PRKG2: variants seen among roughly 807,000 people sequenced by gnomAD.
The protein encoded by PRKG2 is protein kinase cGMP-dependent 2.
In PRKG2, 33 loss-of-function variants were observed where a neutral mutation model predicts 97.2. The ratio of observed to expected loss-of-function variants is 0.34; its 90% CI spans 0.26 to 0.45. The LOEUF is 0.45. Ranked by LOEUF, PRKG2 falls within the 20% of genes least tolerant of loss-of-function variation. PRKG2 has a pLI of 1.00. For synonymous variants in PRKG2, 330 were observed against 321.8 expected, an observed-to-expected ratio of 1.03 and a Z score of -0.27; for missense variants, 638 against 900.0, an observed-to-expected ratio of 0.71 and a Z score of 3.73.
At chr4:81,153,785 A>C in intron 6 of PRKG2, 64 bp from the exon 7 acceptor site, 1 of 1,168,636 alleles carries the variant, frequency 8.6e-7, no homozygotes, top group South Asian at 1.2e-5. Context: ...TAATAGGAAC[A>C]GCTCCAGTAT....
At chr4:81,099,675 C>T (rs1251342844) in intron 17 of PRKG2, among the ~76,000 whole-genome samples, 7 of 152,078 alleles carry the variant, frequency 4.6e-5, no homozygotes, top group African/African-American at 7.2e-5. Flanking sequence ...CCCTCTCTCA[C>T]CACTCCTATT....
chr4:81,145,932 CTATATTTACTT>C (rs1253088074), intron 9 of PRKG2, among the ~76,000 whole-genome samples: 5 of 152,116 alleles, frequency 3.3e-5, no homozygotes, highest in Non-Finnish European at 7.4e-5. Flanking sequence ...GACAACCAAT[CTATATTTACTT>C]TATTAAGCAC....
intron 17 of PRKG2, among the ~76,000 whole-genome samples, chr4:81,100,818 C>G (rs1249805222): frequency 6.6e-6 from 1 of 152,180 alleles, no homozygotes; most frequent in Non-Finnish European, 1.5e-5. Flanking sequence ...ATCTACTCAT[C>G]TGACAAAGGG....
chr4:81,118,820 G>A (rs1196560138), intron 14 of PRKG2, among the ~76,000 whole-genome samples: 4 of 151,922 alleles, frequency 2.6e-5, no homozygotes, highest in African/African-American at 9.7e-5. Flanking sequence ...TTTGAGACAG[G>A]GTCTCACTCT....
rs905431204 is a variant in PRKG2 at position 81,181,998 on chromosome 4, G to A, written c.462-7039C>T. 2.6e-5 allele frequency among the ~76,000 whole-genome samples: 4 copies of A among 151,710 alleles called. No homozygotes were observed. The Middle Eastern group carries it at 0.01, about 387-fold the overall frequency. ...TATAAAAACTATCCCACCCAAAAAA[G>A]TCTAAACCCAGATGACCTTATTATT... is the stretch of plus-strand genomic sequence containing the variant. On this transcript the variant is annotated intron_variant, in intron 2 of 18. Transcript: ENST00000264399.
At chr4:81,196,873 G>A (rs1053747789) in intron 2 of PRKG2, among the ~76,000 whole-genome samples, 5 of 152,072 alleles carry the variant, frequency 3.3e-5, no homozygotes, top group Non-Finnish European at 5.9e-5. Context: ...TCATTTTAAA[G>A]TGAGACTTTA....
At chr4:81,117,701 A>C (rs1744685768) in intron 14 of PRKG2, among the ~76,000 whole-genome samples, 1 of 152,220 alleles carries the variant, frequency 6.6e-6, no homozygotes, top group South Asian at 2.1e-4. Context: ...TTTTTAGAGC[A>C]ATCAGTGAAA....
chr4:81,093,736 TA>T (rs113910189), intron 17 of PRKG2, among the ~76,000 whole-genome samples: 8,114 of 152,240 alleles, frequency 0.053, 743 homozygotes, highest in African/African-American at 0.19. Flanking sequence ...ATCACTCATC[TA>T]AAAGGGCTGA....
chr4:81,185,371 C>T (rs1751783676), intron 2 of PRKG2, among the ~76,000 whole-genome samples: 1 of 101,050 alleles, frequency 9.9e-6, no homozygotes, highest in African/African-American at 1.0e-4. Context: ...CATATCCAGC[C>T]AAACTAAGCT....
chr4:81,141,583 A>G (rs949797761), intron 11 of PRKG2, among the ~76,000 whole-genome samples: 18 of 152,190 alleles, frequency 1.2e-4, no homozygotes, highest in African/African-American at 4.3e-4. Flanking sequence ...TTTTTGATAG[A>G]TTTAAAACTC....
chr4:81,128,614 G>A (rs955213080), intron 14 of PRKG2, among the ~76,000 whole-genome samples: 4 of 152,100 alleles, frequency 2.6e-5, no homozygotes, highest in East Asian at 1.9e-4. Context: ...GTTTATTTGC[G>A]TAGAAGTGTT....
intron 2 of PRKG2, among the ~76,000 whole-genome samples, chr4:81,186,996 C>CA (rs112768085): frequency 0.23 from 34,657 of 151,874 alleles, 7,844 homozygotes; most frequent in African/African-American, 0.58. Context: ...GCCTACCAAT[C>CA]AAAAAAAGCC....
At position 81,133,899 on chromosome 4, in the gene PRKG2, G is replaced by T. The variant is rs114160379; in HGVS notation, c.1776+1256C>A. The stretch of plus-strand genomic sequence containing the variant: ...GAAAAATCAGTTATGAGAAAAAAGA[G>T]ATGGAGCTACTGAATTGTCTGCATC... On this transcript the variant is annotated intron_variant, in intron 14 of 18. Transcript: ENST00000264399. 7.3e-3 allele frequency among the ~76,000 whole-genome samples: 1,113 copies of T among 151,652 alleles called. 13 individuals are homozygous for T. Among genetic ancestry groups the T allele is most frequent in the African/African-American group, 0.026 (1,053 of 41,112 alleles).
intron 1 of PRKG2, among the ~76,000 whole-genome samples, chr4:81,213,017 T>G (rs1264589112): frequency 2.0e-5 from 3 of 152,204 alleles, no homozygotes; most frequent in African/African-American, 7.2e-5. Flanking sequence ...TCTTCATTCA[T>G]TCAGTCATTC....
At chr4:81,212,097 C>T (rs1754006268) in intron 1 of PRKG2, among the ~76,000 whole-genome samples, 1 of 152,130 alleles carries the variant, frequency 6.6e-6, no homozygotes, top group Non-Finnish European at 1.5e-5. Context: ...ATTAATGCCA[C>T]AATTAAAAGC....
At chr4:81,194,831 T>C (rs902086299) in intron 2 of PRKG2, among the ~76,000 whole-genome samples, 4 of 152,166 alleles carry the variant, frequency 2.6e-5, no homozygotes, top group African/African-American at 9.7e-5. Flanking sequence ...ACCAAGTAGT[T>C]GAGGAGTCAG....
chr4:81,189,066 T>TAAAATAAAAAAAAAAA (rs1752192390), intron 2 of PRKG2, among the ~76,000 whole-genome samples: 2 of 17,064 alleles, frequency 1.2e-4, no homozygotes, highest in African/African-American at 7.9e-4. Context: ...AAAAAAATAA[T>TAAAATAAAAAAAAAAA]AAAAAAAAAA....
chr4:81,177,570 G>C (rs1052701994), intron 2 of PRKG2, among the ~76,000 whole-genome samples: 2 of 152,132 alleles, frequency 1.3e-5, no homozygotes, highest in African/African-American at 4.8e-5. Context: ...GGGCATGGTG[G>C]TGGGTGCCTG....
chr4:81,197,236 G>C (rs1297571266), intron 2 of PRKG2, among the ~76,000 whole-genome samples: 1 of 152,100 alleles, frequency 6.6e-6, no homozygotes, highest in Non-Finnish European at 1.5e-5. Flanking sequence ...TATCTAGCAA[G>C]GAATGGGCAG....
Sources: allele counts gnomAD v4.1 joint callset (sites outside exome capture counted in the v4.1 genomes callset), GRCh38; gene constraint gnomAD v4.1.1; transcripts MANE v1.5; gene names NCBI Gene and HGNC (gene_info 2026-07-23, HGNC 2026-07-21).